Variants in TATDN2 observed in about 807,000 individuals in gnomAD.
TATDN2 encodes 3'-5' RNA nuclease TATDN2.
A neutral mutation model predicts 60.3 loss-of-function variants in TATDN2; 44 were observed. The ratio of observed to expected loss-of-function variants is 0.73; its 90% CI spans 0.57 to 0.94. TATDN2 has a LOEUF of 0.94. TATDN2 is among the 40% of genes least tolerant of loss of function. The pLI, the probability that TATDN2 is intolerant of heterozygous loss-of-function variation, is 0.00. For missense variants in TATDN2, 997 were observed against 948.0 expected (o/e 1.05, Z -0.68); for synonymous variants, 399 against 355.8 (o/e 1.12, Z -1.37).
At chr3:10,271,983 C>T (rs1021000619) in intron 4 of TATDN2, among the ~76,000 whole-genome samples, 1 of 152,040 alleles carries the variant, frequency 6.6e-6, no homozygotes, top group Non-Finnish European at 1.5e-5. Flanking sequence ...CCTGCCTCGG[C>T]GTCCGAAAAG....
chr3:10,275,763 CAAAACA>C (rs1559464693), intron 4 of TATDN2, among the ~76,000 whole-genome samples: 107 of 1,446 alleles, frequency 0.074, 2 homozygotes, highest in Admixed American at 0.35. Context: ...CAAAACAAAA[CAAAACA>C]AAAAAAAACA....
intron 2 of TATDN2, among the ~76,000 whole-genome samples, chr3:10,249,815 A>G (rs973959928): frequency 2.0e-5 from 3 of 152,140 alleles, no homozygotes; most frequent in African/African-American, 7.2e-5. Flanking sequence ...TAGAGAGGTA[A>G]TTTTCAAACT....
chr3:10,249,409 C>A lies in TATDN2; in HGVS notation c.209C>A (p.Ser70Tyr). The change falls in exon 2 of 8, where the codon TCC (serine) becomes TAC (tyrosine). Residue 70 changes from serine to tyrosine, a missense_variant. Transcript: ENST00000448281. Reference sequence around the variant, plus strand: ...GATGTGGCTTGCTCGCGGAGGTTATCCTGGGGCTCATCCCGCCGCAGAAAT... The same window carrying A: ...GATGTGGCTTGCTCGCGGAGGTTATACTGGGGCTCATCCCGCCGCAGAAAT... ...EDDVACSRRL[S>Y]WGSSRRRNNS... The A allele has an allele frequency of 1.9e-6, 3 of 1,613,400 alleles. No homozygotes were observed. Among genetic ancestry groups the A allele is most frequent in the Non-Finnish European group, 2.5e-6 (3 of 1,179,896 alleles).
intron 2 of TATDN2, among the ~76,000 whole-genome samples, chr3:10,252,706 T>G (rs2125171218): frequency 6.6e-6 from 1 of 151,874 alleles, no homozygotes; most frequent in South Asian, 2.1e-4. Flanking sequence ...TTTTTTTTTG[T>G]TTGAGACAGG....
chr3:10,271,082 A>G (rs562244329), intron 4 of TATDN2, 67 bp downstream of exon 4: 906 of 1,490,020 alleles, frequency 6.1e-4, no homozygotes, highest in Non-Finnish European at 7.8e-4. Context: ...GCCTGACAAT[A>G]AGGGTTTATC....
intron 3 of TATDN2, among the ~76,000 whole-genome samples, chr3:10,267,353 A>T (rs1430087502): frequency 6.6e-6 from 1 of 150,432 alleles, no homozygotes; most frequent in Non-Finnish European, 1.5e-5. Flanking sequence ...CATAATTATT[A>T]TGTCTGTTTA....
chr3:10,267,551 T>G lies in TATDN2; in HGVS notation c.949-2580T>G, dbSNP rs553292508. ...TGTCAAGTCTCTTCGTCTCTATAGA[T>G]TCATCCTTTTCTCCCTCCAAAATGT... On this transcript the variant is annotated intron_variant, in intron 3 of 7. Coordinates refer to ENST00000448281, the MANE Select transcript of TATDN2 (RefSeq NM_014760.4). Among the ~76,000 whole-genome samples, 11 of 152,338 alleles carry G rather than the reference T, an allele frequency of 7.2e-5. No individual in the cohort carries two copies. In the South Asian group the frequency reaches 2.3e-3, roughly 32 times the overall value.
chr3:10,254,529 CTG>C (rs950133324), intron 2 of TATDN2, among the ~76,000 whole-genome samples: 17 of 152,268 alleles, frequency 1.1e-4, no homozygotes, highest in African/African-American at 4.1e-4. Flanking sequence ...TGGGGCCAGT[CTG>C]TGAAGGGTTC....
At position 10,270,196 on chromosome 3, in the gene TATDN2, G is replaced by C; in HGVS notation, c.1014G>C (p.Glu338Asp). The C allele has an allele frequency of 6.2e-7, 1 of 1,614,180 alleles. No homozygotes were observed. Among genetic ancestry groups the C allele is most frequent in the Non-Finnish European group, 8.5e-7 (1 of 1,180,030 alleles). The change falls in exon 4 of 8, where the codon GAG becomes GAC. Residue 338 changes from glutamate to aspartate, a missense_variant. Glu to Asp is a conservative substitution (Grantham distance 45, BLOSUM62 2). Coordinates refer to ENST00000448281, the MANE Select transcript of TATDN2 (RefSeq NM_014760.4). ...SSGSDWSDVEEISTVRFSQEE... is the reference protein window; with the variant it reads ...SSGSDWSDVEDISTVRFSQEE... ...GAAGTGACTGGTCTGATGTTGAGGA[G>C]ATCTCCACAGTCAGATTCTCTCAGG... is the stretch of plus-strand genomic sequence containing the variant.
At position 10,272,872 on chromosome 3, in the gene TATDN2, CA is replaced by C. The variant is rs796447999; in HGVS notation, c.1833+1874del. 3.6e-3 allele frequency among the ~76,000 whole-genome samples: 477 copies of C among 133,540 alleles called. 2 individuals carry two copies. The highest frequency in any genetic ancestry group is 8.3e-3 in the Middle Eastern group (2 of 240). 87.6% of individuals were successfully genotyped at this position (133,540 alleles called of 152,430 possible). A position where few individuals can be genotyped will look rare whatever the true frequency, so the allele number is the denominator to read the frequency against. On this transcript the variant is annotated intron_variant, in intron 4 of 7. Transcript: ENST00000448281. Reference sequence around the variant, plus strand: ...CAACATGGTGAAACCCTATCTCTACCAAAAAAAAAAAAAAAAATTAGCTGGG... The same window carrying C: ...CAACATGGTGAAACCCTATCTCTACCAAAAAAAAAAAAAAAATTAGCTGGG...
chr3:10,270,880 T>C lies in TATDN2; in HGVS notation c.1698T>C (p.His566=). 1.2e-6 allele frequency: 2 copies of C among 1,614,144 alleles called. No individual in the cohort carries two copies. Among genetic ancestry groups the C allele is most frequent in the East Asian group, 2.2e-5 (1 of 44,878 alleles). The change falls in exon 4 of 8, where the codon CAT becomes CAC. Residue 566 remains histidine (H), a synonymous_variant. Transcript: ENST00000448281. ...LVWGAFGCHP[H]FARYYSESQE... ...GGGGGGCCTTTGGCTGTCACCCTCA[T>C]TTTGCACGTTACTACAGTGAGAGTC...
intron 2 of TATDN2, among the ~76,000 whole-genome samples, chr3:10,251,597 G>T (rs1559458511): frequency 6.6e-6 from 1 of 151,900 alleles, no homozygotes; most frequent in East Asian, 1.9e-4. Context: ...TGTTGGCCAG[G>T]CTGGTCTCTA....
At chr3:10,263,121 G>A (rs531426211) in intron 3 of TATDN2, among the ~76,000 whole-genome samples, 1 of 151,688 alleles carries the variant, frequency 6.6e-6, no homozygotes, top group East Asian at 1.9e-4. Flanking sequence ...GGCTGGTGTC[G>A]AACTCCTGAC....
chr3:10,267,152 C>T (rs1698489245), intron 3 of TATDN2, among the ~76,000 whole-genome samples: 1 of 151,912 alleles, frequency 6.6e-6, no homozygotes, highest in Admixed American at 6.6e-5. Flanking sequence ...AATTCCTCAG[C>T]TCAAGTGGTC....
intron 4 of TATDN2, among the ~76,000 whole-genome samples, chr3:10,272,463 A>G (rs1698580711): frequency 6.8e-6 from 1 of 146,348 alleles, no homozygotes. Flanking sequence ...TTTAAGGCAG[A>G]GTTTCACTCT....
chr3:10,262,617 C>T (rs1698423328), intron 3 of TATDN2, among the ~76,000 whole-genome samples: 1 of 144,344 alleles, frequency 6.9e-6, no homozygotes, highest in African/African-American at 2.6e-5. Context: ...CTCACTGCAG[C>T]CTCCACTTCC....
At chr3:10,260,880 T>G (rs202103310) in intron 3 of TATDN2, among the ~76,000 whole-genome samples, 6 of 126,582 alleles carry the variant, frequency 4.7e-5, no homozygotes, top group Non-Finnish European at 1.0e-4. Flanking sequence ...TTTTTTTTTT[T>G]GAAGGATTTA....
intron 3 of TATDN2, among the ~76,000 whole-genome samples, chr3:10,263,017 C>A (rs9851266): frequency 0.28 from 42,427 of 151,896 alleles, 7,732 homozygotes; most frequent in East Asian, 0.95. Flanking sequence ...TCTCCTGCCT[C>A]AGCCTTGTGA....
chr3:10,254,659 GAA>G (rs1268403814), intron 2 of TATDN2, among the ~76,000 whole-genome samples: 1 of 152,204 alleles, frequency 6.6e-6, no homozygotes, highest in Non-Finnish European at 1.5e-5. Context: ...ACGCTGCAGA[GAA>G]AGGGTAGGAG....
Sources: allele counts gnomAD v4.1 joint callset (sites outside exome capture counted in the v4.1 genomes callset), GRCh38; gene constraint gnomAD v4.1.1; transcripts MANE v1.5; gene names NCBI Gene and HGNC (gene_info 2026-07-23, HGNC 2026-07-21).